VPS35: variants seen among roughly 807,000 people sequenced by gnomAD.
VPS35 encodes the protein VPS35 retromer complex component, also known as vacuolar protein sorting-associated protein 35.
VPS35 carries 21 observed loss-of-function variants against 98.1 expected under a neutral mutation model. That is an observed-to-expected ratio of 0.21 (90% CI 0.15 to 0.31). The LOEUF is 0.31. Ranked by LOEUF, VPS35 falls within the 10% of genes least tolerant of loss-of-function variation. VPS35 has a pLI of 1.00. For synonymous variants in VPS35, 268 were observed against 318.2 expected, an observed-to-expected ratio of 0.84 and a Z score of 1.68; for missense variants, 554 against 950.8, an observed-to-expected ratio of 0.58 and a Z score of 5.49.
Position 46,662,968 on chromosome 16 carries a change from A to G in VPS35, c.1827+15T>C, listed in dbSNP as rs1324730245. The stretch of plus-strand genomic sequence containing the variant: ...GCAGAGCTGACATGACAACGCAGAA[A>G]GAACAGATCATCACCTGGGACATGA... On this transcript the variant is annotated intron_variant, in intron 14 of 16. Coordinates refer to ENST00000299138, the MANE Select transcript of VPS35 (RefSeq NM_018206.6). 6.2e-7 allele frequency: 1 copy of G among 1,614,234 alleles called. No homozygotes were observed. The highest frequency in any genetic ancestry group is 1.7e-5 in the Admixed American group (1 of 60,030).
chr16:46,672,183 C>T, intron 11 of VPS35, 82 bp downstream of exon 11: 2 of 1,185,182 alleles, frequency 1.7e-6, no homozygotes, highest in African/African-American at 1.5e-5. Flanking sequence ...GAATTACCCT[C>T]CCCTCCCATC....
rs1965861304 is a variant in VPS35 at position 46,658,427 on chromosome 16, T to A, written c.*2045A>T. 6.5e-6 allele frequency: 1 copy of A among 153,752 alleles called. No homozygotes were observed. Among genetic ancestry groups the A allele is most frequent in the South Asian group, 2.1e-4 (1 of 4,834 alleles). The allele number at this position is 153,752 out of a possible 1,614,324, so 9.5% of individuals were successfully genotyped here. A position where few individuals can be genotyped will look rare whatever the true frequency, so the allele number is the denominator to read the frequency against. On this transcript the variant is annotated 3_prime_UTR_variant, in exon 17 of 17. Coordinates refer to ENST00000299138, the MANE Select transcript of VPS35 (RefSeq NM_018206.6). Reference sequence around the variant, plus strand: ...CCCAGTTTTTGTTCAACAAAAAAAATCTGTAAGTTAAGGATACTAGCAGTG... The same window carrying A: ...CCCAGTTTTTGTTCAACAAAAAAAAACTGTAAGTTAAGGATACTAGCAGTG...
Position 46,660,350 on chromosome 16 carries a change from A to C in VPS35, c.*122T>G. On this transcript the variant is annotated 3_prime_UTR_variant, in exon 17 of 17. Coordinates refer to ENST00000299138, the MANE Select transcript of VPS35 (RefSeq NM_018206.6). ...GGAGGTGCTGGGTAAAACACATCAC[A>C]GGTAAGAAATGGGAAACCTACCTCA... is the stretch of plus-strand genomic sequence containing the variant. 8.1e-7 allele frequency: 1 copy of C among 1,227,170 alleles called. No individual in the cohort carries two copies. The highest frequency in any genetic ancestry group is 1.2e-6 in the Non-Finnish European group (1 of 848,690). The allele number at this position is 1,227,170 out of a possible 1,614,324, so 76.0% of individuals were successfully genotyped here. A position where few individuals can be genotyped will look rare whatever the true frequency, so the allele number is the denominator to read the frequency against.
intron 14 of VPS35, 107 bp from the exon 15 acceptor site, chr16:46,662,589 C>G: frequency 6.5e-7 from 1 of 1,537,666 alleles, no homozygotes; most frequent in Non-Finnish European, 8.9e-7. Flanking sequence ...CTTCTGCAGC[C>G]TTCATATCAG....
At position 46,688,505 on chromosome 16, in the gene VPS35, G is replaced by A. The variant is rs554135407; in HGVS notation, c.3+626C>T. The A allele has an allele frequency of 8.1e-6, 8 of 988,122 alleles. No homozygotes were observed. The East Asian group carries it at 3.4e-4, about 42-fold the overall frequency. The allele number at this position is 988,122 out of a possible 1,614,324, so 61.2% of individuals were successfully genotyped here. On this transcript the variant is annotated intron_variant, in intron 1 of 16. Transcript: ENST00000299138. ...GTGCGCCCAATGCACAAATGCTAAA[G>A]TAAACAATCAGTCTCCTTTGCGACC...
At chr16:46,676,450 A>G in intron 8 of VPS35, 133 bp downstream of exon 8, 1 of 705,476 alleles carries the variant, frequency 1.4e-6, no homozygotes. Context: ...ACAAAGCTAA[A>G]TTATTTATAG....
intron 1 of VPS35, among the ~76,000 whole-genome samples, chr16:46,685,710 T>C (rs1966299830): frequency 6.6e-6 from 1 of 152,164 alleles, no homozygotes; most frequent in Non-Finnish European, 1.5e-5. Flanking sequence ...TGAACTTTAG[T>C]GAAACCAGGC....
At chr16:46,679,762 C>T (rs1966204855) in intron 5 of VPS35, among the ~76,000 whole-genome samples, 1 of 151,998 alleles carries the variant, frequency 6.6e-6, no homozygotes. Context: ...TATTGATTGC[C>T]TAATTAAATG....
In VPS35 at chr16:46,682,033, A is replaced by C. The variant is rs776918766; in HGVS notation, c.199+46T>G. 4.0e-6 allele frequency: 6 copies of C among 1,485,536 alleles called. No individual in the cohort carries two copies. The African/African-American group carries it at 5.5e-5, about 14-fold the overall frequency. 92.0% of individuals were successfully genotyped at this position (1,485,536 alleles called of 1,614,324 possible). On this transcript the variant is annotated intron_variant, in intron 3 of 16. Transcript: ENST00000299138. ...AACAAACAAAATAGGCCTTATCAAG[A>C]AAAAGGTATGGTCCAAATGTTTAGT...
At chr16:46,667,895 C>T (rs1205678781) in intron 13 of VPS35, among the ~76,000 whole-genome samples, 1 of 152,056 alleles carries the variant, frequency 6.6e-6, no homozygotes, top group East Asian at 1.9e-4. Flanking sequence ...GTTTTTATGC[C>T]AGTACCATAT....
chr16:46,680,018 T>C (rs1966210329), intron 5 of VPS35, among the ~76,000 whole-genome samples: 1 of 152,008 alleles, frequency 6.6e-6, no homozygotes, highest in African/African-American at 2.4e-5. Context: ...AATAAATGAA[T>C]AAACTTTTTA....
Position 46,689,178 on chromosome 16 carries a change from T to A in VPS35, c.-45A>T. The A allele has an allele frequency of 6.3e-7, 1 of 1,599,634 alleles. No individual in the cohort carries two copies. Among genetic ancestry groups the A allele is most frequent in the Non-Finnish European group, 8.5e-7 (1 of 1,174,348 alleles). On this transcript the variant is annotated 5_prime_UTR_variant, in exon 1 of 17. Coordinates refer to ENST00000299138, the MANE Select transcript of VPS35 (RefSeq NM_018206.6). ...CAGCAAGCAGCACCCGCCCCGCGCG[T>A]AGCCTCCCGCGGTCATGTGACGCTG...
intron 12 of VPS35, 154 bp from the exon 13 acceptor site, chr16:46,669,206 C>A: frequency 1.1e-6 from 1 of 925,224 alleles, no homozygotes. Context: ...CTTATCTCCT[C>A]AAGTTGTCAC....
chr16:46,668,054 C>G (rs1286960705), intron 13 of VPS35, among the ~76,000 whole-genome samples: 1 of 152,170 alleles, frequency 6.6e-6, no homozygotes, highest in African/African-American at 2.4e-5. Context: ...CTGTTTCATG[C>G]TGGTAGGTCT....
chr16:46,676,392 T>C (rs2143008080), intron 8 of VPS35, 191 bp downstream of exon 8: 1 of 572,288 alleles, frequency 1.7e-6, no homozygotes, highest in African/African-American at 1.9e-5. Flanking sequence ...ACATTTAAGT[T>C]AAGCCTCTTT....
rs748401927 is a variant in VPS35 at position 46,671,903 on chromosome 16, T to C, written c.1369-43A>G. 9.9e-6 allele frequency: 16 copies of C among 1,610,258 alleles called. No homozygotes were observed. In the East Asian group the frequency reaches 1.8e-4, roughly 18 times the overall value. ...CAAGAAACCCACTGAGGTGAAACCA[T>C]TGGCATACAAAGCCATTATCAAAAG... On this transcript the variant is annotated intron_variant, in intron 11 of 16. Coordinates refer to ENST00000299138, the MANE Select transcript of VPS35 (RefSeq NM_018206.6).
At position 46,656,992 on chromosome 16, in the gene VPS35, CAA is replaced by C. The variant is rs1965849381; in HGVS notation, c.*3478_*3479del. ...CTGCACTCCTGCTTGGGTGACAGAG[CAA>C]GACTCCGTCTCAAAAAAATAAAATA... On this transcript the variant is annotated 3_prime_UTR_variant, in exon 17 of 17. Coordinates refer to ENST00000299138, the MANE Select transcript of VPS35 (RefSeq NM_018206.6). 1 of 152,186 alleles carries C rather than the reference CAA, an allele frequency of 6.6e-6. No individual in the cohort carries two copies. The highest frequency in any genetic ancestry group is 1.5e-5 in the Non-Finnish European group (1 of 68,084). The allele number at this position is 152,186 out of a possible 1,614,324, so 9.4% of individuals were successfully genotyped here.
chr16:46,657,392 A>T lies in VPS35; in HGVS notation c.*3080T>A, dbSNP rs151089279. 6.6e-6 allele frequency: 1 copy of T among 152,238 alleles called. No homozygotes were observed. The highest frequency in any genetic ancestry group is 2.4e-5 in the African/African-American group (1 of 41,546). The allele number at this position is 152,238 out of a possible 1,614,324, so 9.4% of individuals were successfully genotyped here. A position where few individuals can be genotyped will look rare whatever the true frequency, so the allele number is the denominator to read the frequency against. On this transcript the variant is annotated 3_prime_UTR_variant, in exon 17 of 17. Coordinates refer to ENST00000299138, the MANE Select transcript of VPS35 (RefSeq NM_018206.6). The stretch of plus-strand genomic sequence containing the variant: ...TTACCTTGAGGTCTCTGAATGAGAG[A>T]GCAAATGTTAACAGAAGACCCCTCT...
chr16:46,678,875 T>C lies in VPS35; in HGVS notation c.720+68A>G. 2.0e-6 allele frequency: 3 copies of C among 1,525,746 alleles called. No individual in the cohort carries two copies. In the South Asian group the frequency reaches 3.4e-5, roughly 17 times the overall value. The allele number at this position is 1,525,746 out of a possible 1,614,324, so 94.5% of individuals were successfully genotyped here. A position where few individuals can be genotyped will look rare whatever the true frequency, so the allele number is the denominator to read the frequency against. ...AATGTACTATTGTATAACAAAAATA[T>C]TCTGATTTTAAAAATCAGATTTCAG... On this transcript the variant is annotated intron_variant, in intron 6 of 16. Transcript: ENST00000299138.
Sources: gnomAD v4.1 joint callset for allele counts (sites outside exome capture counted in the v4.1 genomes callset) on GRCh38, gnomAD v4.1.1 for gene constraint, MANE v1.5 for transcripts, NCBI Gene and HGNC (gene_info 2026-07-23, HGNC 2026-07-21) for gene names.